The following EDNRB variants were observed in gnomAD, a reference collection of about 807,000 sequenced individuals.
EDNRB encodes the protein endothelin receptor type B, also known as Hirschsprung disease 2.
In EDNRB, 18 loss-of-function variants were observed where a neutral mutation model predicts 46.4. The ratio of observed to expected loss-of-function variants is 0.39; its 90% CI spans 0.27 to 0.57. The LOEUF (loss-of-function observed/expected upper bound fraction) is 0.57, where lower values mean the gene tolerates loss of function less well. Ranked by LOEUF, EDNRB falls within the 20% of genes least tolerant of loss-of-function variation. The pLI, the probability that EDNRB is intolerant of heterozygous loss-of-function variation, is 0.61. For synonymous variants in EDNRB, 213 were observed against 204.9 expected (o/e 1.04, Z -0.34); for missense variants, 434 against 537.5 (o/e 0.81, Z 1.90).
intron 3 of EDNRB, among the ~76,000 whole-genome samples, chr13:77,902,573 A>C (rs1879051249): frequency 6.6e-6 from 1 of 151,672 alleles, no homozygotes; most frequent in Non-Finnish European, 1.5e-5. Context: ...CTGCTCTGTA[A>C]CTGTCCTTCC....
chr13:77,901,442 A>G (rs1398521579), intron 3 of EDNRB, among the ~76,000 whole-genome samples: 2 of 152,068 alleles, frequency 1.3e-5, no homozygotes, highest in Admixed American at 6.6e-5. Context: ...TGTTATAAGC[A>G]TGCACAAAAA....
At chr13:77,915,662 C>G (rs534507386) in intron 1 of EDNRB, among the ~76,000 whole-genome samples, 1 of 152,308 alleles carries the variant, frequency 6.6e-6, no homozygotes, top group African/African-American at 2.4e-5. Context: ...AACCAAGTGC[C>G]TAGTGCATCA....
Position 77,900,513 on chromosome 13 carries a change from T to A in EDNRB, c.1085+8A>T, listed in dbSNP as rs1172100027. On this transcript the variant is annotated splice_region_variant and intron_variant, in intron 5 of 6. Coordinates refer to ENST00000646607, the MANE Select transcript of EDNRB (RefSeq NM_001122659.3). ...TTTACAAAACCATTTCTAGTTTGCC[T>A]TTCTTACCTCAAAAGTTCACATCTA... The A allele has an allele frequency of 6.2e-7, 1 of 1,612,222 alleles. No homozygotes were observed. Among genetic ancestry groups the A allele is most frequent in the South Asian group, 1.1e-5 (1 of 91,060 alleles).
At chr13:77,919,703 A>G (rs947067994), upstream of EDNRB, 20 of 1,332,946 alleles carry the variant, frequency 1.5e-5, no homozygotes, top group Admixed American at 2.1e-5. Flanking sequence ...CCTGGACAGC[A>G]TCAGTAGTAG....
chr13:77,934,236 G>A (rs891405549), intron 1 of EDNRB, among the ~76,000 whole-genome samples: 3 of 152,208 alleles, frequency 2.0e-5, no homozygotes, highest in Admixed American at 6.5e-5. Context: ...GTAGCATTCC[G>A]AGGACAGGCC....
At chr13:77,963,836 C>G (rs1233583474) in intron 1 of EDNRB, among the ~76,000 whole-genome samples, 1 of 152,238 alleles carries the variant, frequency 6.6e-6, no homozygotes, top group Non-Finnish European at 1.5e-5. Context: ...AACAGGCAAC[C>G]TACAGAATGG....
At position 77,903,476 on chromosome 13, in the gene EDNRB, A is replaced by G; in HGVS notation, c.596+19T>C. On this transcript the variant is annotated intron_variant, in intron 2 of 6. Coordinates refer to ENST00000646607, the MANE Select transcript of EDNRB (RefSeq NM_001122659.3). The stretch of plus-strand genomic sequence containing the variant: ...TAGTATATATTCAGAATATACTTGG[A>G]TTAAATAGAAGCTTCTACCTGTCAA... 6.2e-7 allele frequency: 1 copy of G among 1,610,830 alleles called. No individual in the cohort carries two copies. The highest frequency in any genetic ancestry group is 8.5e-7 in the Non-Finnish European group (1 of 1,177,482).
chr13:77,900,633 C>T lies in EDNRB; in HGVS notation c.973G>A (p.Val325Ile), dbSNP rs201437745. The T allele has an allele frequency of 2.0e-5, 33 of 1,612,262 alleles. 1 individual carries two copies. The highest frequency in any genetic ancestry group is 5.5e-5 in the South Asian group (5 of 91,058). ...LKQRREVAKT[V>I]FCLVLVFALC... Reference sequence around the variant, plus strand: ...GCAAAGACAAGGACCAGGCAAAAGACGGTTTTGGCCACTTCCCGTCTCTGA... The same window carrying T: ...GCAAAGACAAGGACCAGGCAAAAGATGGTTTTGGCCACTTCCCGTCTCTGA... Residue 325 changes from valine (V) to isoleucine (I), a missense_variant, in exon 5 of 7, where the codon GTC becomes ATC. Val to Ile is a conservative substitution (Grantham distance 29). Coordinates refer to ENST00000646607, the MANE Select transcript of EDNRB (RefSeq NM_001122659.3).
intron 1 of EDNRB, among the ~76,000 whole-genome samples, chr13:77,956,336 AAACTG>A (rs1881239728): frequency 6.6e-6 from 1 of 152,146 alleles, no homozygotes; most frequent in African/African-American, 2.4e-5. Flanking sequence ...TAGTGTACAA[AAACTG>A]AACTGACTTT....
At chr13:77,923,617 A>C (rs117397541), upstream of EDNRB, among the ~76,000 whole-genome samples, 1,974 of 151,976 alleles carry the variant, frequency 0.013, 21 homozygotes, top group Non-Finnish European at 0.022. Flanking sequence ...ATTTTCTGTG[A>C]CTCTAATTGT....
intron 1 of EDNRB, among the ~76,000 whole-genome samples, chr13:77,934,372 G>A (rs145887977): frequency 0.049 from 7,414 of 152,194 alleles, 231 homozygotes; most frequent in Admixed American, 0.075. Flanking sequence ...ACTGAGGACC[G>A]TAAGGGATAT....
chr13:77,931,761 C>CAA (rs1424831945), intron 1 of EDNRB, among the ~76,000 whole-genome samples: 8 of 97,770 alleles, frequency 8.2e-5, no homozygotes, highest in African/African-American at 1.5e-4. Flanking sequence ...AAAAAAAAAA[C>CAA]AAAAAAAAAA....
intron 4 of EDNRB, 112 bp from the exon 5 acceptor site, chr13:77,900,766 A>C (rs1219273623): frequency 1.4e-6 from 2 of 1,473,110 alleles, no homozygotes; most frequent in African/African-American, 2.8e-5. Context: ...GCATATGTAA[A>C]AACTCAGGAC....
At chr13:77,968,417 T>TA (rs1195846815) in intron 1 of EDNRB, among the ~76,000 whole-genome samples, 2 of 152,172 alleles carry the variant, frequency 1.3e-5, no homozygotes, top group African/African-American at 4.8e-5. Flanking sequence ...TTCTCTTTTC[T>TA]AGGCCCTAGT....
At position 77,900,930 on chromosome 13, in the gene EDNRB, C is replaced by T. The variant is rs968511401; in HGVS notation, c.951+128G>A. The T allele has an allele frequency of 3.5e-6, 4 of 1,151,100 alleles. No homozygotes were observed. The African/African-American group carries it at 4.7e-5, about 14-fold the overall frequency. The allele number at this position is 1,151,100 out of a possible 1,614,324, so 71.3% of individuals were successfully genotyped here. ...AATATTCTTTATCTATTTAAAACTA[C>T]CAGAAACAAGAAAAAGGAAATATGC... On this transcript the variant is annotated intron_variant, in intron 4 of 6. Transcript: ENST00000646607.
intron 1 of EDNRB, among the ~76,000 whole-genome samples, chr13:77,914,254 TCACGACAAAAGC>T: frequency 6.6e-6 from 1 of 152,174 alleles, no homozygotes; most frequent in African/African-American, 2.4e-5. Flanking sequence ...GTCATGTTTG[TCACGACAAAAGC>T]TGGAAAACAA....
exon 1 of EDNRB, chr13:77,975,407 G>T (rs1281230269): frequency 1.3e-5 from 2 of 152,336 alleles, no homozygotes; most frequent in Non-Finnish European, 2.9e-5. Context: ...CCACTGTGTT[G>T]ATCCTCCACG....
At chr13:77,972,554 T>C (rs1406413170) in intron 1 of EDNRB, among the ~76,000 whole-genome samples, 1 of 151,958 alleles carries the variant, frequency 6.6e-6, no homozygotes, top group African/African-American at 2.4e-5. Flanking sequence ...GGCACTGGGG[T>C]CTTTATCGAA....
rs1051719446 is a variant in EDNRB, at chr13:77,910,586, A to G, written c.484-6979T>C. Among the ~76,000 whole-genome samples the G allele has an allele frequency of 5.3e-5, 8 of 152,072 alleles. No individual in the cohort carries two copies. In the East Asian group the frequency reaches 1.4e-3, roughly 26 times the overall value. ...TGACATACAGTGCACCGTGCCCTGAAGGACAAATATAAATTACAAGTTCTA... is the reference window on the plus strand; with the variant it reads ...TGACATACAGTGCACCGTGCCCTGAGGGACAAATATAAATTACAAGTTCTA... On this transcript the variant is annotated intron_variant, in intron 1 of 6. Transcript: ENST00000646607.
Sources: allele counts gnomAD v4.1 joint callset (sites outside exome capture counted in the v4.1 genomes callset), GRCh38; gene constraint gnomAD v4.1.1; transcripts MANE v1.5; gene names NCBI Gene and HGNC (gene_info 2026-07-23, HGNC 2026-07-21).